The following SPG11 variants were observed in gnomAD, a reference collection of about 807,000 sequenced individuals.
SPG11 encodes the protein spatacsin.
SPG11 carries 222 observed loss-of-function variants against 274.0 expected under a neutral mutation model. The ratio of observed to expected loss-of-function variants is 0.81; its 90% confidence interval spans 0.73 to 0.91. The LOEUF is 0.91. Among genes scored for constraint, SPG11 ranks in the 40% least tolerant of loss-of-function variants. SPG11 has a pLI of 0.00. For missense variants in SPG11, 3,114 were observed against 2,872.7 expected (o/e 1.08, Z -1.92); for synonymous variants, 1,144 against 1,039.7 (o/e 1.10, Z -1.93).
At chr15:44,611,843 C>T (rs2083466803) in intron 17 of SPG11, among the ~76,000 whole-genome samples, 2 of 120,354 alleles carry the variant, frequency 1.7e-5, no homozygotes, top group South Asian at 2.9e-4. Context: ...TGGAGTCTCA[C>T]TCTCTCACCC....
chr15:44,619,256 AT>A (rs2083673383), intron 15 of SPG11, among the ~76,000 whole-genome samples: 1 of 152,220 alleles, frequency 6.6e-6, no homozygotes, highest in Non-Finnish European at 1.5e-5. Flanking sequence ...TAAATAGAAA[AT>A]AATACATAAA....
intron 26 of SPG11, 89 bp downstream of exon 26, chr15:44,595,170 A>T: frequency 7.5e-7 from 1 of 1,336,892 alleles, no homozygotes; most frequent in Admixed American, 1.8e-5. Context: ...CTAAAAAAAA[A>T]TCCAGGGATG....
intron 11 of SPG11, 148 bp downstream of exon 11, chr15:44,626,183 C>T: frequency 1.5e-6 from 1 of 680,090 alleles, no homozygotes; most frequent in South Asian, 2.2e-5. Context: ...CAGCCATTCT[C>T]AGTGTTATTA....
In SPG11 at chr15:44,606,007, G is replaced by A; in HGVS notation, c.3520+18C>T. On this transcript the variant is annotated intron_variant, in intron 20 of 39. Coordinates refer to ENST00000261866, the MANE Select transcript of SPG11 (RefSeq NM_025137.4). ...ACACTGCTAAAACATGTCTCAAGAAGTACCCATGATGACTTACCTCCTATA... is the reference window on the plus strand; with the variant it reads ...ACACTGCTAAAACATGTCTCAAGAAATACCCATGATGACTTACCTCCTATA... The A allele has an allele frequency of 4.4e-6, 7 of 1,606,266 alleles. No individual in the cohort carries two copies. The highest frequency in any genetic ancestry group is 3.3e-5 in the South Asian group (3 of 90,928).
intron 15 of SPG11, among the ~76,000 whole-genome samples, chr15:44,618,516 CAAAAAAAAAA>C (rs1243300533): frequency 5.7e-5 from 2 of 35,380 alleles, no homozygotes; most frequent in Non-Finnish European, 1.2e-4. Context: ...GACTCCATCT[CAAAAAAAAAA>C]AAAAAAAAAG....
At position 44,584,530 on chromosome 15, in the gene SPG11, T is replaced by G. The variant is rs1351728335; in HGVS notation, c.5150A>C (p.His1717Pro). The G allele has an allele frequency of 6.2e-7, 1 of 1,612,330 alleles. No homozygotes were observed. ...TTGTTTTAGTGACCACTGTTCAATG[T>G]GTTTTAGGGTCTGCATTTCCTGTGT... ...EITQEMQTLK[H>P]IEQWSLKQAR... Residue 1717 changes from histidine to proline, a missense_variant, in exon 30 of 40, where the codon CAC (histidine) becomes CCC (proline). Physicochemically the swap from His to Pro is moderately conservative, Grantham distance 77. Transcript: ENST00000261866.
chr15:44,633,330 A>C (rs2084130886), intron 8 of SPG11, 175 bp downstream of exon 8: 1 of 156,142 alleles, frequency 6.4e-6, no homozygotes. Context: ...GTCTCAAAAA[A>C]AAAAAAAAAA....
At chr15:44,601,557 CTTTTTTT>C (rs776775388) in intron 20 of SPG11, among the ~76,000 whole-genome samples, 12 of 122,790 alleles carry the variant, frequency 9.8e-5, no homozygotes, top group Non-Finnish European at 1.7e-4. Flanking sequence ...CCAGCCTCTT[CTTTTTTT>C]TTTTTTTTTT....
intron 7 of SPG11, among the ~76,000 whole-genome samples, chr15:44,639,635 G>A (rs1178265004): frequency 6.6e-6 from 1 of 151,982 alleles, no homozygotes; most frequent in African/African-American, 2.4e-5. Flanking sequence ...CTGGGAGGCG[G>A]AGGCTGCAGT....
At chr15:44,623,149 C>T (rs1312566320) in intron 11 of SPG11, among the ~76,000 whole-genome samples, 1 of 151,998 alleles carries the variant, frequency 6.6e-6, no homozygotes, top group Non-Finnish European at 1.5e-5. Flanking sequence ...GGATTTCTTC[C>T]TGTTGCCCAG....
intron 39 of SPG11, among the ~76,000 whole-genome samples, chr15:44,564,281 C>G (rs999724070): frequency 1.3e-5 from 2 of 152,252 alleles, no homozygotes; most frequent in Admixed American, 1.3e-4. Context: ...GCATGAGCCA[C>G]TGGGCCTGGC....
chr15:44,662,049 C>T (rs765067889), intron 1 of SPG11, among the ~76,000 whole-genome samples: 1 of 152,144 alleles, frequency 6.6e-6, no homozygotes, highest in Non-Finnish European at 1.5e-5. Context: ...CTAAAGATTT[C>T]GGCTTTTCTT....
At chr15:44,659,028 A>C in intron 3 of SPG11, 51 bp downstream of exon 3, 1 of 1,553,290 alleles carries the variant, frequency 6.4e-7, no homozygotes, top group Non-Finnish European at 8.9e-7. Context: ...TCATCTTTAT[A>C]GGTGTTCTTC....
In SPG11 at chr15:44,659,179, GT is replaced by G; in HGVS notation, c.566del (p.Asn189ThrfsTer14). The G allele has an allele frequency of 6.2e-7, 1 of 1,614,228 alleles. No homozygotes were observed. Among genetic ancestry groups the G allele is most frequent in the Admixed American group, 1.7e-5 (1 of 60,036 alleles). ...PERDAAIRVLNCFTLPLPAQA... is the reference protein window; with the variant it reads ...PERDAAIRVLXCFTLPLPAQA... ...GTGCAGGCAAGGGAAGTGTGAAACA[GT>G]TGAGTACTCTAATTGCAGCATCTCT... On this transcript the variant is annotated frameshift_variant, in exon 3 of 40. Coordinates refer to ENST00000261866, the MANE Select transcript of SPG11 (RefSeq NM_025137.4). LOFTEE classifies it high-confidence loss of function.
Position 44,563,316 on chromosome 15 carries a change from A to C in SPG11, c.7152-15T>G. 1 of 1,607,446 alleles carries C rather than the reference A, an allele frequency of 6.2e-7. No homozygotes were observed. Among genetic ancestry groups the C allele is most frequent in the Non-Finnish European group, 8.5e-7 (1 of 1,174,566 alleles). On this transcript the variant is annotated splice_polypyrimidine_tract_variant and intron_variant, in intron 39 of 39. Coordinates refer to ENST00000261866, the MANE Select transcript of SPG11 (RefSeq NM_025137.4). ...GTTGTTTATATCTAGATAAAGAAACATAATGTACAGGTTAAGATACTGTTT... is the reference window on the plus strand; with the variant it reads ...GTTGTTTATATCTAGATAAAGAAACCTAATGTACAGGTTAAGATACTGTTT...
intron 30 of SPG11, among the ~76,000 whole-genome samples, chr15:44,582,288 C>T (rs116941513): frequency 8.5e-5 from 13 of 152,242 alleles, no homozygotes; most frequent in African/African-American, 2.6e-4. Context: ...TGGCTCAAGC[C>T]GGTAATCACA....
At position 44,636,942 on chromosome 15, in the gene SPG11, A is replaced by C. The variant is rs868856726; in HGVS notation, c.1603-3305T>G. 9.5e-3 allele frequency among the ~76,000 whole-genome samples: 1,094 copies of C among 115,208 alleles called. 5 individuals carry two copies. Among genetic ancestry groups the C allele is most frequent in the Middle Eastern group, 0.038 (9 of 236 alleles). The allele number at this position is 115,208 out of a possible 152,430, so 75.6% of individuals were successfully genotyped here. ...CTCCATCTCAAAAAAAAAAAAAAAAAAAAAAAAAAAAAAAACAAAAAAAAA... is the reference window on the plus strand; with the variant it reads ...CTCCATCTCAAAAAAAAAAAAAAAACAAAAAAAAAAAAAAACAAAAAAAAA... On this transcript the variant is annotated intron_variant, in intron 7 of 39. Coordinates refer to ENST00000261866, the MANE Select transcript of SPG11 (RefSeq NM_025137.4).
intron 31 of SPG11, 27 bp downstream of exon 31, chr15:44,574,875 A>G: frequency 6.2e-7 from 1 of 1,613,274 alleles, no homozygotes; most frequent in Middle Eastern, 1.8e-4. Context: ...CCTCTCAGAA[A>G]GAGGAGCCCC....
intron 8 of SPG11, among the ~76,000 whole-genome samples, chr15:44,631,803 CTTTTTT>C (rs1205482825): frequency 5.0e-5 from 5 of 100,466 alleles, no homozygotes; most frequent in African/African-American, 1.1e-4. Context: ...CTGCACCCAG[CTTTTTT>C]TTTTTTTTTT....
Sources: gnomAD v4.1 joint callset for allele counts (sites outside exome capture counted in the v4.1 genomes callset) on GRCh38, gnomAD v4.1.1 for gene constraint, MANE v1.5 for transcripts, NCBI Gene and HGNC (gene_info 2026-07-23, HGNC 2026-07-21) for gene names.